Variants in PIBF1 observed in about 807,000 individuals in gnomAD.
PIBF1 encodes the protein progesterone-induced-blocking factor 1.
In PIBF1, 90 loss-of-function variants were observed where a neutral mutation model predicts 112.5. The observed-to-expected ratio is 0.80, with a 90% confidence interval of 0.67 to 0.95. The LOEUF is 0.95. Ranked by LOEUF, PIBF1 falls within the 40% of genes least tolerant of loss-of-function variation. The pLI is 0.00. For synonymous variants in PIBF1, 301 were observed against 288.6 expected (o/e 1.04, Z -0.44); for missense variants, 915 against 852.3 (o/e 1.07, Z -0.92).
intron 17 of PIBF1, among the ~76,000 whole-genome samples, chr13:73,002,907 C>G (rs1293566353): frequency 7.8e-6 from 1 of 127,774 alleles, no homozygotes; most frequent in Non-Finnish European, 1.6e-5. Flanking sequence ...TCACTTGGAC[C>G]TGGGAGGTGG....
Position 72,917,078 on chromosome 13 carries a change from G to T in PIBF1, c.1642G>T (p.Glu548Ter). The change falls in exon 13 of 18, where the codon GAA (glutamate) becomes TAA (stop). Residue 548 changes from glutamate (E) to a stop codon, truncating the protein, a stop_gained and splice_region_variant. Transcript: ENST00000326291. LOFTEE classifies it high-confidence loss of function. ...DEIIMQTAEI[E>*]NEDEAERVLF... The stretch of plus-strand genomic sequence containing the variant: ...TTATACACTTTAATATTTTCCAGTT[G>T]AAAATGAAGATGAGGCTGAAAGGGT... 6.4e-7 allele frequency: 1 copy of T among 1,572,700 alleles called. No homozygotes were observed. The highest frequency in any genetic ancestry group is 8.6e-7 in the Non-Finnish European group (1 of 1,156,974).
At chr13:72,930,055 T>C (rs1199569461) in intron 13 of PIBF1, among the ~76,000 whole-genome samples, 2 of 152,114 alleles carry the variant, frequency 1.3e-5, no homozygotes, top group Non-Finnish European at 2.9e-5. Context: ...AGGCAGGGTC[T>C]CACCCTGTTG....
At chr13:72,790,224 A>C (rs2034826192) in intron 2 of PIBF1, among the ~76,000 whole-genome samples, 1 of 152,174 alleles carries the variant, frequency 6.6e-6, no homozygotes, top group Non-Finnish European at 1.5e-5. Context: ...CTAAAATAAT[A>C]GACTAAGGGC....
chr13:72,889,906 C>T (rs1325100509), intron 10 of PIBF1, among the ~76,000 whole-genome samples: 1 of 152,116 alleles, frequency 6.6e-6, no homozygotes, highest in East Asian at 1.9e-4. Context: ...TAATGTAATA[C>T]AAGCCATGAA....
chr13:72,916,554 T>A (rs1335698239), intron 12 of PIBF1, among the ~76,000 whole-genome samples: 1 of 151,884 alleles, frequency 6.6e-6, no homozygotes, highest in Non-Finnish European at 1.5e-5. Context: ...TTTCACATAA[T>A]TTTTTTACAT....
intron 16 of PIBF1, among the ~76,000 whole-genome samples, chr13:72,986,987 G>A (rs1352863023): frequency 1.3e-5 from 2 of 152,156 alleles, no homozygotes; most frequent in African/African-American, 2.4e-5. Context: ...CACCGCGCCC[G>A]GCCTCTGTCA....
chr13:72,873,402 T>C (rs1474176267), intron 10 of PIBF1, among the ~76,000 whole-genome samples: 1 of 152,026 alleles, frequency 6.6e-6, no homozygotes, highest in Non-Finnish European at 1.5e-5. Flanking sequence ...GAAAAACTTG[T>C]TTTCTTTTTT....
At chr13:72,904,596 A>C (rs1477787449) in intron 11 of PIBF1, among the ~76,000 whole-genome samples, 1 of 151,002 alleles carries the variant, frequency 6.6e-6, no homozygotes, top group Non-Finnish European at 1.5e-5. Flanking sequence ...GCACGCTACC[A>C]CACCCAGCTA....
intron 14 of PIBF1, among the ~76,000 whole-genome samples, chr13:72,956,888 C>T (rs1300909035): frequency 6.6e-6 from 1 of 152,102 alleles, no homozygotes; most frequent in Non-Finnish European, 1.5e-5. Flanking sequence ...AGAAGATATA[C>T]AAATGGCAAA....
intron 9 of PIBF1, among the ~76,000 whole-genome samples, chr13:72,851,718 T>C (rs1257015913): frequency 6.6e-6 from 1 of 152,194 alleles, no homozygotes; most frequent in Non-Finnish European, 1.5e-5. Flanking sequence ...CTTACAGTAC[T>C]TTTTTCCTCT....
chr13:73,000,117 C>T (rs531909937), intron 17 of PIBF1, among the ~76,000 whole-genome samples: 23 of 152,288 alleles, frequency 1.5e-4, no homozygotes, highest in African/African-American at 4.3e-4. Flanking sequence ...AGCTGACAGG[C>T]GGGAGAAAAC....
At chr13:72,840,526 T>G (rs1225013983) in intron 9 of PIBF1, among the ~76,000 whole-genome samples, 4 of 142,796 alleles carry the variant, frequency 2.8e-5, no homozygotes, top group Non-Finnish European at 4.6e-5. Context: ...CCAATAAACT[T>G]TTTTTTTTTT....
intron 10 of PIBF1, among the ~76,000 whole-genome samples, chr13:72,864,131 C>T (rs9600031): frequency 0.012 from 1,847 of 152,210 alleles, 18 homozygotes; most frequent in Middle Eastern, 0.027. Flanking sequence ...TAACTAAATC[C>T]TGCTTAAGGC....
chr13:72,785,247 C>T (rs957790197), intron 2 of PIBF1, among the ~76,000 whole-genome samples: 1 of 152,204 alleles, frequency 6.6e-6, no homozygotes, highest in African/African-American at 2.4e-5. Context: ...TTATCTGTTT[C>T]ATCCCTTTCA....
intron 5 of PIBF1, among the ~76,000 whole-genome samples, chr13:72,817,821 G>T (rs1478204776): frequency 6.6e-6 from 1 of 152,128 alleles, no homozygotes; most frequent in Non-Finnish European, 1.5e-5. Context: ...GGTTTATTTT[G>T]AGGGAAGATG....
intron 14 of PIBF1, among the ~76,000 whole-genome samples, chr13:72,957,525 G>A (rs1041018062): frequency 2.0e-5 from 3 of 152,154 alleles, no homozygotes; most frequent in African/African-American, 7.2e-5. Context: ...AAGGGTGGGA[G>A]CAGGGTGGAG....
chr13:72,817,628 A>T (rs1356496261), intron 5 of PIBF1, among the ~76,000 whole-genome samples: 3 of 152,208 alleles, frequency 2.0e-5, no homozygotes, highest in Non-Finnish European at 4.4e-5. Flanking sequence ...CACATGTGAT[A>T]CATTTTCTGA....
chr13:72,826,216 A>G (rs2036807764), intron 6 of PIBF1, among the ~76,000 whole-genome samples: 1 of 152,116 alleles, frequency 6.6e-6, no homozygotes, highest in South Asian at 2.1e-4. Flanking sequence ...ATCTTTACTT[A>G]TTGGGTTTGT....
chr13:73,003,778 C>T (rs990267044), intron 17 of PIBF1, among the ~76,000 whole-genome samples: 14 of 152,134 alleles, frequency 9.2e-5, no homozygotes, highest in African/African-American at 3.4e-4. Context: ...GGCATGAACA[C>T]GGCTCACTGC....
Sources: gnomAD v4.1 joint callset for allele counts (sites outside exome capture counted in the v4.1 genomes callset) on GRCh38, gnomAD v4.1.1 for gene constraint, MANE v1.5 for transcripts, NCBI Gene and HGNC (gene_info 2026-07-23, HGNC 2026-07-21) for gene names.